Variants in CASZ1 observed in about 807,000 individuals in gnomAD.
CASZ1 encodes the protein zinc finger protein castor homolog 1.
In CASZ1, 28 loss-of-function variants were observed where a neutral mutation model predicts 135.2. The ratio of observed to expected loss-of-function variants is 0.21; its 90% CI spans 0.15 to 0.28. The LOEUF is 0.28. Among genes scored for constraint, CASZ1 ranks in the 10% least tolerant of loss-of-function variants. The pLI, the probability that CASZ1 is intolerant of heterozygous loss-of-function variation, is 1.00. For synonymous variants in CASZ1, 1,068 were observed against 1,073.4 expected (o/e 0.99, Z 0.10); for missense variants, 2,161 against 2,453.3 (o/e 0.88, Z 2.52).
At position 10,646,254 on chromosome 1, in the gene CASZ1, C is replaced by G. The variant is rs539695679; in HGVS notation, c.3570G>C (p.Lys1190Asn). The G allele has an allele frequency of 6.2e-7, 1 of 1,614,182 alleles. No individual in the cohort carries two copies. The highest frequency in any genetic ancestry group is 1.1e-5 in the South Asian group (1 of 91,080). The change falls in exon 17 of 21, where the codon AAG becomes AAC. Residue 1190 changes from lysine (K) to asparagine (N), a missense_variant. Lys to Asn is a moderately conservative substitution (Grantham distance 94). Transcript: ENST00000377022. The surrounding 1 kb of genome is among the most constrained non-coding windows in gnomAD (Gnocchi z 6.4). Reference sequence around the variant, plus strand: ...CCTTGCCAGACGTTTTGCAGACGTACTTGCAGTTCCCAAAGAGACAGTGGA... The same window carrying G: ...CCTTGCCAGACGTTTTGCAGACGTAGTTGCAGTTCCCAAAGAGACAGTGGA... ...FHFHCLFGNC[K>N]YVCKTSGKAE... is the part of the protein sequence containing the mutation.
At chr1:10,743,959 G>C (rs565097183) in intron 2 of CASZ1, among the ~76,000 whole-genome samples, 1 of 151,944 alleles carries the variant, frequency 6.6e-6, no homozygotes, top group South Asian at 2.1e-4. Context: ...AAATCCAGCC[G>C]CCTCAGGGGA....
chr1:10,644,774 G>A lies in CASZ1; in HGVS notation c.3868+143C>T, dbSNP rs1053033864. On this transcript the variant is annotated intron_variant, in intron 18 of 20. Transcript: ENST00000377022. ...TCACAAGCTTGACAGTGCCTAGCCC[G>A]TGATATCTGGGACACCTTTAACAAA... 7.3e-6 allele frequency: 6 copies of A among 825,190 alleles called. No individual in the cohort carries two copies. In the East Asian group the frequency reaches 1.3e-4, roughly 18 times the overall value. The allele number at this position is 825,190 out of a possible 1,614,324, so 51.1% of individuals were successfully genotyped here.
At chr1:10,772,425 T>A (rs1186582021) in intron 1 of CASZ1, among the ~76,000 whole-genome samples, 3 of 152,166 alleles carry the variant, frequency 2.0e-5, no homozygotes, top group Non-Finnish European at 4.4e-5. Context: ...TTCAGCCTTG[T>A]TTCTGCGGGG....
rs982523623 is a variant in CASZ1, at chr1:10,741,941, T to C, written c.-77+18760A>G. Among the ~76,000 whole-genome samples, 9 of 152,104 alleles carry C rather than the reference T, an allele frequency of 5.9e-5. No individual in the cohort carries two copies. The highest frequency in any genetic ancestry group is 3.2e-3 in the Middle Eastern group (1 of 316). On this transcript the variant is annotated intron_variant, in intron 2 of 20. Coordinates refer to ENST00000377022, the MANE Select transcript of CASZ1 (RefSeq NM_001079843.3). The surrounding 1 kb of genome is among the most constrained non-coding windows in gnomAD (Gnocchi z 5.0). ...ATTTTGGTGCTATTCTGAGACCTAA[T>C]GTGCCTAACCCAGCAAGCGCCGAGA... is the stretch of plus-strand genomic sequence containing the variant.
chr1:10,658,048 A>C (rs1240527595), intron 7 of CASZ1: 1 of 151,824 alleles, frequency 6.6e-6, no homozygotes, highest in Non-Finnish European at 1.4e-5. Flanking sequence ...GCCCAGGATG[A>C]TCTCAAACTC....
At chr1:10,713,559 C>T (rs1193320743) in intron 2 of CASZ1, among the ~76,000 whole-genome samples, 1 of 152,198 alleles carries the variant, frequency 6.6e-6, no homozygotes, top group African/African-American at 2.4e-5. Flanking sequence ...TCCTCTAACC[C>T]CCTCTCTGGT....
rs1639914644 is a variant in CASZ1 at position 10,741,174 on chromosome 1, G to T, written c.-77+19527C>A. On this transcript the variant is annotated intron_variant, in intron 2 of 20. Transcript: ENST00000377022. The surrounding 1 kb of genome is among the most constrained non-coding windows in gnomAD (Gnocchi z 5.0). ...ATTTTTGTATTTTTAGCAGAGACGG[G>T]GTTTCACCATGTTGGTCAGGCTGGT... is the stretch of plus-strand genomic sequence containing the variant. Among the ~76,000 whole-genome samples, 1 of 152,054 alleles carries T rather than the reference G, an allele frequency of 6.6e-6. No individual in the cohort carries two copies. Among genetic ancestry groups the T allele is most frequent in the African/African-American group, 2.4e-5 (1 of 41,396 alleles).
intron 3 of CASZ1, among the ~76,000 whole-genome samples, chr1:10,703,552 CT>C (rs1236497933): frequency 6.6e-6 from 1 of 152,122 alleles, no homozygotes; most frequent in African/African-American, 2.4e-5. Flanking sequence ...AGAGGTTATG[CT>C]GCTTCCCAGG....
rs1478103978 is a variant in CASZ1 at position 10,657,393 on chromosome 1, C to T, written c.1410-657G>A. 6.6e-6 allele frequency among the ~76,000 whole-genome samples: 1 copy of T among 152,158 alleles called. No homozygotes were observed. Among genetic ancestry groups the T allele is most frequent in the Non-Finnish European group, 1.5e-5 (1 of 68,034 alleles). The stretch of plus-strand genomic sequence containing the variant: ...GGAGGCCACTCTGGAGAGGCCACAC[C>T]ATGACGACTGTGGAGAAGGGTGTGA... On this transcript the variant is annotated intron_variant, in intron 7 of 20. Transcript: ENST00000377022. The surrounding 1 kb of genome is among the most constrained non-coding windows in gnomAD (Gnocchi z 5.7).
chr1:10,748,125 C>A (rs1405459089), intron 2 of CASZ1, among the ~76,000 whole-genome samples: 1 of 152,084 alleles, frequency 6.6e-6, no homozygotes, highest in East Asian at 1.9e-4. Context: ...GCCATGTGCT[C>A]GCCTTTCAAA....
At chr1:10,752,164 A>G (rs1404503352) in intron 2 of CASZ1, among the ~76,000 whole-genome samples, 1 of 152,166 alleles carries the variant, frequency 6.6e-6, no homozygotes, top group Non-Finnish European at 1.5e-5. Context: ...TCAGTGCCCA[A>G]AGGTCCTGGA....
rs34408884 is a variant in CASZ1 at position 10,697,241 on chromosome 1, GC to G, written c.-23-3330del. ...TCATGGAGGGGCCCCCAGATTATGC[GC>G]CCCCCCCTTCTCTCTCTTTCTCTCT... is the stretch of plus-strand genomic sequence containing the variant. On this transcript the variant is annotated intron_variant, in intron 3 of 20. Coordinates refer to ENST00000377022, the MANE Select transcript of CASZ1 (RefSeq NM_001079843.3). The surrounding 1 kb of genome is among the most constrained non-coding windows in gnomAD (Gnocchi z 4.7). 6.6e-4 allele frequency among the ~76,000 whole-genome samples: 100 copies of G among 151,280 alleles called. No homozygotes were observed. Among genetic ancestry groups the G allele is most frequent in the African/African-American group, 1.9e-3 (78 of 41,204 alleles).
intron 4 of CASZ1, among the ~76,000 whole-genome samples, chr1:10,685,677 G>A (rs1166464536): frequency 6.7e-6 from 1 of 149,750 alleles, no homozygotes; most frequent in African/African-American, 2.6e-5. Flanking sequence ...CCCCGGGCAC[G>A]AAGCTGGCCC....
rs1640393562 is a variant in CASZ1, at chr1:10,762,304, C to T, written c.-233-1447G>A. On this transcript the variant is annotated intron_variant, in intron 1 of 20. Transcript: ENST00000377022. The surrounding 1 kb of genome is among the most constrained non-coding windows in gnomAD (Gnocchi z 4.1). ...GCTCCCATCCCACCCCTCGGCGCCA[C>T]ACAGGGTTAACAGCGGGTTTCCTGG... Among the ~76,000 whole-genome samples, 1 of 152,070 alleles carries T rather than the reference C, an allele frequency of 6.6e-6. No homozygotes were observed. Among genetic ancestry groups the T allele is most frequent in the Non-Finnish European group, 1.5e-5 (1 of 68,008 alleles).
chr1:10,688,817 C>T (rs566234961), intron 4 of CASZ1, among the ~76,000 whole-genome samples: 1 of 152,330 alleles, frequency 6.6e-6, no homozygotes, highest in East Asian at 1.9e-4. Flanking sequence ...CCCGGCGAGG[C>T]TGCCCCTCCT....
At position 10,679,691 on chromosome 1, in the gene CASZ1, T is replaced by A. The variant is rs2100353524; in HGVS notation, c.17-14120A>T. On this transcript the variant is annotated intron_variant, in intron 4 of 20. Transcript: ENST00000377022. This position sits in a 1 kb window ranked among gnomAD's most constrained non-coding sequence, Gnocchi z 4.7. ...ACCCTTCTCCTCCCCTCCACCTGCC[T>A]CATCTTCACAGTCCCCAACCCCAAC... 6.6e-6 allele frequency among the ~76,000 whole-genome samples: 1 copy of A among 152,228 alleles called. No individual in the cohort carries two copies. The highest frequency in any genetic ancestry group is 2.1e-4 in the South Asian group (1 of 4,820).
At chr1:10,643,831 C>T (rs1642283699) in intron 18 of CASZ1, among the ~76,000 whole-genome samples, 5 of 152,238 alleles carry the variant, frequency 3.3e-5, no homozygotes, top group Admixed American at 3.3e-4. Flanking sequence ...GGCCAGGTGT[C>T]TTCTGTCATC....
At position 10,727,339 on chromosome 1, in the gene CASZ1, C is replaced by T. The variant is rs1284632872; in HGVS notation, c.-76-21795G>A. 6.6e-6 allele frequency among the ~76,000 whole-genome samples: 1 copy of T among 152,068 alleles called. No homozygotes were observed. On this transcript the variant is annotated intron_variant, in intron 2 of 20. Coordinates refer to ENST00000377022, the MANE Select transcript of CASZ1 (RefSeq NM_001079843.3). This position sits in a 1 kb window ranked among gnomAD's most constrained non-coding sequence, Gnocchi z 5.3. ...GCCATCCAGCTCTTCATTCACAACT[C>T]TCCATGTGTGCTATTCTGGGTACCA... is the stretch of plus-strand genomic sequence containing the variant.
At position 10,719,213 on chromosome 1, in the gene CASZ1, C is replaced by T. The variant is rs554953983; in HGVS notation, c.-76-13669G>A. Among the ~76,000 whole-genome samples, 7 of 152,188 alleles carry T rather than the reference C, an allele frequency of 4.6e-5. No homozygotes were observed. Among genetic ancestry groups the T allele is most frequent in the South Asian group, 2.1e-4 (1 of 4,830 alleles). On this transcript the variant is annotated intron_variant, in intron 2 of 20. Coordinates refer to ENST00000377022, the MANE Select transcript of CASZ1 (RefSeq NM_001079843.3). The surrounding 1 kb of genome is among the most constrained non-coding windows in gnomAD (Gnocchi z 4.0). ...GATTACAGGCGTGAGCCACCGCACC[C>T]GGCCCCGTGCCCCTTTCTTGTAAGG... is the stretch of plus-strand genomic sequence containing the variant.
Sources: allele counts gnomAD v4.1 joint callset (sites outside exome capture counted in the v4.1 genomes callset), GRCh38; gene constraint gnomAD v4.1.1; non-coding constraint Gnocchi (gnomAD v3.1); transcripts MANE v1.5; gene names NCBI Gene and HGNC (gene_info 2026-07-23, HGNC 2026-07-21).